Variants in GNG2 observed in about 807,000 individuals in gnomAD.
The protein encoded by GNG2 is guanine nucleotide-binding protein G(I)/G(S)/G(O) subunit gamma-2.
Under a neutral mutation model 5.5 loss-of-function variants are expected in GNG2, and 5 were observed. That is an observed-to-expected ratio of 0.91 (90% CI 0.48 to 1.92). The LOEUF (loss-of-function observed/expected upper bound fraction) is 1.92. Ranked by LOEUF, GNG2 falls within the 30% of genes most tolerant of loss-of-function variation. The pLI, the probability that GNG2 is intolerant of heterozygous loss-of-function variation, is 0.01. For synonymous variants in GNG2, 28 were observed against 32.0 expected, an observed-to-expected ratio of 0.88 and a Z score of 0.42; for missense variants, 55 against 88.4, an observed-to-expected ratio of 0.62 and a Z score of 1.52.
chr14:51,937,215 G>A (rs1174973851), intron 2 of GNG2, among the ~76,000 whole-genome samples: 1 of 152,312 alleles, frequency 6.6e-6, no homozygotes, highest in East Asian at 1.9e-4. Context: ...ACTAAAAAGT[G>A]GCTCTGTGCT....
chr14:51,827,408 C>T (rs780954909), intron 1 of GNG2, among the ~76,000 whole-genome samples: 3 of 152,278 alleles, frequency 2.0e-5, no homozygotes, highest in East Asian at 1.9e-4. Context: ...GCAGGGATTC[C>T]GCAATCTGCC....
intron 2 of GNG2, chr14:51,916,447 G>T (rs1385802664): frequency 2.2e-6 from 1 of 453,320 alleles, no homozygotes; most frequent in Non-Finnish European, 4.4e-6. Flanking sequence ...TCATATTTCG[G>T]TCTCTAGGAT....
intron 2 of GNG2, chr14:51,877,865 A>G: frequency 3.8e-6 from 1 of 261,866 alleles, no homozygotes; most frequent in Non-Finnish European, 7.6e-6. Flanking sequence ...TTTCATCCAG[A>G]ATTTTTTCAT....
intron 2 of GNG2, among the ~76,000 whole-genome samples, chr14:51,931,286 T>C (rs2884152): frequency 0.36 from 53,977 of 151,712 alleles, 10,887 homozygotes; most frequent in Non-Finnish European, 0.45. Flanking sequence ...GTAAGAAGAC[T>C]GTCAAAGTTT....
At chr14:51,903,472 G>A (rs547108719) in intron 2 of GNG2, among the ~76,000 whole-genome samples, 19 of 152,274 alleles carry the variant, frequency 1.2e-4, no homozygotes, top group South Asian at 2.1e-4. Context: ...GAGCAAGGGC[G>A]TGGACTTATG....
At chr14:51,885,843 GGATCAA>G (rs1884426878) in intron 2 of GNG2, among the ~76,000 whole-genome samples, 1 of 152,122 alleles carries the variant, frequency 6.6e-6, no homozygotes, top group South Asian at 2.1e-4. Flanking sequence ...GGCTCAGATA[GGATCAA>G]GATCCATCTT....
At chr14:51,844,317 C>G (rs1881563580) in intron 2 of GNG2, among the ~76,000 whole-genome samples, 1 of 152,212 alleles carries the variant, frequency 6.6e-6, no homozygotes, top group South Asian at 2.1e-4. Flanking sequence ...TTTCCCATCT[C>G]ATATATGGTT....
intron 2 of GNG2, among the ~76,000 whole-genome samples, chr14:51,931,740 C>T (rs1189069935): frequency 1.3e-5 from 2 of 152,062 alleles, no homozygotes; most frequent in Non-Finnish European, 2.9e-5. Context: ...CTGGTGAGAA[C>T]GTAAAATGGT....
intron 3 of GNG2, among the ~76,000 whole-genome samples, chr14:51,956,426 A>G (rs55984072): frequency 0.37 from 55,642 of 151,960 alleles, 10,547 homozygotes; most frequent in Non-Finnish European, 0.39. Context: ...CATAGATAGT[A>G]TCAGAATTGA....
intron 3 of GNG2, among the ~76,000 whole-genome samples, chr14:51,963,773 A>G (rs75115506): frequency 0.039 from 5,974 of 152,292 alleles, 396 homozygotes; most frequent in African/African-American, 0.13. Context: ...TCAATTTTTC[A>G]TCTATAAAAA....
intron 2 of GNG2, among the ~76,000 whole-genome samples, chr14:51,853,679 T>C (rs1275248243): frequency 6.6e-6 from 1 of 152,214 alleles, no homozygotes; most frequent in African/African-American, 2.4e-5. Context: ...GAGTTATTAT[T>C]GTATAGCTTT....
At chr14:51,849,367 C>T (rs1048391981) in intron 2 of GNG2, among the ~76,000 whole-genome samples, 1 of 152,198 alleles carries the variant, frequency 6.6e-6, no homozygotes, top group African/African-American at 2.4e-5. Context: ...GTCACTTCAG[C>T]CACATTCTAT....
intron 2 of GNG2, among the ~76,000 whole-genome samples, chr14:51,886,733 C>T (rs945158815): frequency 6.6e-6 from 1 of 152,166 alleles, no homozygotes; most frequent in Non-Finnish European, 1.5e-5. Flanking sequence ...GCAGAGACCC[C>T]AGGAAACAAA....
intron 2 of GNG2, among the ~76,000 whole-genome samples, chr14:51,894,780 A>T (rs1195229859): frequency 6.6e-6 from 1 of 152,134 alleles, no homozygotes; most frequent in Non-Finnish European, 1.5e-5. Context: ...CGTTAGTTTA[A>T]CAAAACCTAC....
intron 2 of GNG2, among the ~76,000 whole-genome samples, chr14:51,946,576 G>A (rs1264099524): frequency 1.3e-5 from 2 of 152,102 alleles, no homozygotes; most frequent in Admixed American, 6.5e-5. Flanking sequence ...ACAATCTCAC[G>A]CTGCTCCAGC....
chr14:51,954,381 C>A (rs1178098738), intron 3 of GNG2, among the ~76,000 whole-genome samples: 1 of 152,074 alleles, frequency 6.6e-6, no homozygotes, highest in Non-Finnish European at 1.5e-5. Context: ...AATGAAACAG[C>A]AATAGACTCA....
In GNG2 at chr14:51,966,964, C is replaced by CCCCT. The variant is rs1555359280; in HGVS notation, c.*280_*281insTCCC. The CCCCT allele has an allele frequency of 6.1e-6, 1 of 164,744 alleles. No individual in the cohort carries two copies. The highest frequency in any genetic ancestry group is 1.2e-5 in the Non-Finnish European group (1 of 83,034). 10.2% of individuals were successfully genotyped at this position (164,744 alleles called of 1,614,324 possible). On this transcript the variant is annotated 3_prime_UTR_variant, in exon 4 of 4. Coordinates refer to ENST00000556766, the MANE Select transcript of GNG2 (RefSeq NM_053064.5). ...CACTTCTTTTCTGCTATCCCCCAGC[C>CCCCT]CCCCCCCCAAAATCCTCATGTTTCT...
At chr14:51,913,864 T>C (rs2140208068) in intron 2 of GNG2, among the ~76,000 whole-genome samples, 1 of 152,302 alleles carries the variant, frequency 6.6e-6, no homozygotes, top group South Asian at 2.1e-4. Context: ...ACAATGAAAA[T>C]GTTGCATGTA....
At chr14:51,835,495 A>G (rs911028028) in intron 2 of GNG2, among the ~76,000 whole-genome samples, 1 of 152,130 alleles carries the variant, frequency 6.6e-6, no homozygotes, top group Non-Finnish European at 1.5e-5. Context: ...CCACCTCTCA[A>G]CTTCAGCAAA....
Sources: gnomAD v4.1 joint callset for allele counts (sites outside exome capture counted in the v4.1 genomes callset) on GRCh38, gnomAD v4.1.1 for gene constraint, MANE v1.5 for transcripts, NCBI Gene and HGNC (gene_info 2026-07-23, HGNC 2026-07-21) for gene names.